The following PCDH9 variants were observed in gnomAD, a reference collection of about 807,000 sequenced individuals.
The protein encoded by PCDH9 is protocadherin 9, also known as protocadherin-9.
Under a neutral mutation model 70.6 loss-of-function variants are expected in PCDH9, and 24 were observed. That is an observed-to-expected ratio of 0.34 (90% CI 0.25 to 0.48). The LOEUF is 0.48. Among genes scored for constraint, PCDH9 ranks in the 20% least tolerant of loss-of-function variants. PCDH9 has a pLI of 0.99. For missense variants in PCDH9, 1,281 were observed against 1,503.6 expected, an observed-to-expected ratio of 0.85 and a Z score of 2.45; for synonymous variants, 562 against 558.5, an observed-to-expected ratio of 1.01 and a Z score of -0.09.
chr13:66,775,784 G>A (rs1378272192), intron 3 of PCDH9, among the ~76,000 whole-genome samples: 1 of 152,112 alleles, frequency 6.6e-6, no homozygotes, highest in African/African-American at 2.4e-5. Context: ...AGTTTGGGGG[G>A]AGTCAAAAGT....
At chr13:67,169,676 C>T (rs529475990) in intron 2 of PCDH9, among the ~76,000 whole-genome samples, 80 of 152,196 alleles carry the variant, frequency 5.3e-4, no homozygotes, top group Admixed American at 2.8e-3. Context: ...CAACCCTAGG[C>T]TATTAAAAAA....
chr13:67,229,273 A>G (rs2089955614), intron 1 of PCDH9, among the ~76,000 whole-genome samples: 1 of 152,244 alleles, frequency 6.6e-6, no homozygotes, highest in South Asian at 2.1e-4. Flanking sequence ...ACACATTAAA[A>G]CTTTTAAAAA....
intron 3 of PCDH9, among the ~76,000 whole-genome samples, chr13:66,844,705 G>A (rs766531037): frequency 2.6e-5 from 4 of 152,074 alleles, no homozygotes; most frequent in African/African-American, 9.7e-5. Context: ...TTCATGCAAT[G>A]GTTGTTTTGG....
chr13:66,415,098 G>C (rs908314184), intron 4 of PCDH9, among the ~76,000 whole-genome samples: 2 of 151,994 alleles, frequency 1.3e-5, no homozygotes, highest in Non-Finnish European at 2.9e-5. Flanking sequence ...ATAATACTGA[G>C]GTGAAATTTT....
intron 2 of PCDH9, among the ~76,000 whole-genome samples, chr13:66,966,504 G>A (rs764805439): frequency 2.0e-5 from 3 of 152,006 alleles, no homozygotes; most frequent in Non-Finnish European, 2.9e-5. Flanking sequence ...ATGTTCTCAG[G>A]AAAATAGAAT....
rs2088152684 is a variant in PCDH9 at position 67,167,518 on chromosome 13, A to G, written c.3036+57887T>C. 5.3e-5 allele frequency among the ~76,000 whole-genome samples: 8 copies of G among 152,152 alleles called. No homozygotes were observed. The South Asian group carries it at 1.7e-3, about 32-fold the overall frequency. On this transcript the variant is annotated intron_variant, in intron 2 of 4. Transcript: ENST00000377865. ...CCACTTTTCATCAAACTTTTCCTTA[A>G]CCATAGAAAAGCTTTTGATATGGCC...
At chr13:66,671,375 G>A (rs1366874715) in intron 3 of PCDH9, among the ~76,000 whole-genome samples, 2 of 152,178 alleles carry the variant, frequency 1.3e-5, no homozygotes, top group African/African-American at 4.8e-5. Flanking sequence ...AACAGGCAGA[G>A]GTTGGAACAG....
chr13:66,906,976 T>C (rs1594240342), intron 2 of PCDH9, among the ~76,000 whole-genome samples: 3 of 152,114 alleles, frequency 2.0e-5, no homozygotes, highest in South Asian at 4.2e-4. Context: ...GAGGCCGAGG[T>C]GGGCGGATCA....
At chr13:66,688,854 A>C (rs796670193) in intron 3 of PCDH9, among the ~76,000 whole-genome samples, 2 of 152,304 alleles carry the variant, frequency 1.3e-5, no homozygotes, top group African/African-American at 4.8e-5. Flanking sequence ...CATACATAGC[A>C]AGACATTCAT....
intron 2 of PCDH9, among the ~76,000 whole-genome samples, chr13:67,071,626 C>T (rs561862646): frequency 3.3e-5 from 5 of 152,140 alleles, no homozygotes; most frequent in Admixed American, 3.3e-4. Flanking sequence ...GGCAGTGACT[C>T]ATACCTGTAA....
intron 3 of PCDH9, among the ~76,000 whole-genome samples, chr13:66,794,185 C>A (rs972299131): frequency 6.6e-6 from 1 of 151,286 alleles, no homozygotes; most frequent in Non-Finnish European, 1.5e-5. Context: ...AAAACGTAGA[C>A]TGTAATGTTA....
At chr13:66,511,588 T>C (rs1959475719) in intron 4 of PCDH9, among the ~76,000 whole-genome samples, 1 of 152,108 alleles carries the variant, frequency 6.6e-6, no homozygotes, top group Admixed American at 6.6e-5. Flanking sequence ...AAATCTCATG[T>C]TGAAATGTAA....
chr13:67,105,451 T>C (rs1325846086), intron 2 of PCDH9, among the ~76,000 whole-genome samples: 2 of 152,116 alleles, frequency 1.3e-5, no homozygotes, highest in South Asian at 2.1e-4. Flanking sequence ...GGGTTATTCA[T>C]AGGAAAGTCC....
At chr13:66,960,900 G>C (rs979277710) in intron 2 of PCDH9, among the ~76,000 whole-genome samples, 1 of 152,082 alleles carries the variant, frequency 6.6e-6, no homozygotes, top group Non-Finnish European at 1.5e-5. Flanking sequence ...AGGTTAACCT[G>C]TTTAGAGTAT....
At chr13:67,087,966 G>GTT (rs2086141937) in intron 2 of PCDH9, among the ~76,000 whole-genome samples, 1 of 152,018 alleles carries the variant, frequency 6.6e-6, no homozygotes, top group Non-Finnish European at 1.5e-5. Flanking sequence ...TAAATTGCAA[G>GTT]CCAAGACTGT....
intron 2 of PCDH9, among the ~76,000 whole-genome samples, chr13:66,939,424 ATGTGTGTGTGTGTG>A (rs57997772): frequency 6.8e-6 from 1 of 148,026 alleles, no homozygotes; most frequent in Non-Finnish European, 1.5e-5. Context: ...TTTAAAATAT[ATGTGTGTGTGTGTG>A]TGTGTGTGTG....
At chr13:66,705,307 A>C (rs886307181) in intron 3 of PCDH9, among the ~76,000 whole-genome samples, 4 of 152,248 alleles carry the variant, frequency 2.6e-5, no homozygotes, top group Non-Finnish European at 5.9e-5. Context: ...TGCTATTGTC[A>C]TAATGTTTAT....
intron 2 of PCDH9, among the ~76,000 whole-genome samples, chr13:67,124,772 G>A (rs2086943792): frequency 6.6e-6 from 1 of 152,166 alleles, no homozygotes; most frequent in Admixed American, 6.6e-5. Flanking sequence ...GAGGAGACAG[G>A]AAAACAAAGG....
intron 4 of PCDH9, among the ~76,000 whole-genome samples, chr13:66,544,019 G>A (rs989705948): frequency 6.6e-6 from 1 of 152,062 alleles, no homozygotes; most frequent in Non-Finnish European, 1.5e-5. Context: ...ATATAGTAAT[G>A]CCTTGACTCC....
Sources: gnomAD v4.1 joint callset for allele counts (sites outside exome capture counted in the v4.1 genomes callset) on GRCh38, gnomAD v4.1.1 for gene constraint, MANE v1.5 for transcripts, NCBI Gene and HGNC (gene_info 2026-07-23, HGNC 2026-07-21) for gene names.